Variants in ZCWPW2 observed in about 807,000 individuals in gnomAD.
ZCWPW2 encodes the protein zinc finger CW-type and PWWP domain containing 2.
Under a neutral mutation model 46.6 loss-of-function variants are expected in ZCWPW2, and 45 were observed. The observed-to-expected ratio is 0.96, with a 90% CI of 0.76 to 1.24. The LOEUF (loss-of-function observed/expected upper bound fraction) is 1.24. ZCWPW2 is among the 50% of genes most tolerant of loss of function. The probability of loss-of-function intolerance (pLI) is 0.00; values close to 1 mark genes in which losing one functional copy is unlikely to be tolerated. For missense variants in ZCWPW2, 429 were observed against 403.9 expected (o/e 1.06, Z -0.53); for synonymous variants, 152 against 137.1 (o/e 1.11, Z -0.76).
chr3:28,409,727 C>A (rs1696322634), intron 2 of ZCWPW2, among the ~76,000 whole-genome samples: 1 of 151,964 alleles, frequency 6.6e-6, no homozygotes, highest in African/African-American at 2.4e-5. Flanking sequence ...ATAAAAATAA[C>A]ATAAACTTGT....
At chr3:28,487,940 A>T (rs1224581571) in intron 5 of ZCWPW2, among the ~76,000 whole-genome samples, 1 of 152,076 alleles carries the variant, frequency 6.6e-6, no homozygotes, top group African/African-American at 2.4e-5. Context: ...AAAATCCCTC[A>T]ATAGGTTAGG....
chr3:28,464,144 T>G (rs1466584725), intron 4 of ZCWPW2, among the ~76,000 whole-genome samples: 1 of 152,004 alleles, frequency 6.6e-6, no homozygotes, highest in East Asian at 1.9e-4. Context: ...TTATTTTTTA[T>G]TTTTTTGAAT....
chr3:28,378,192 C>T (rs535920072), intron 1 of ZCWPW2, among the ~76,000 whole-genome samples: 63 of 151,688 alleles, frequency 4.2e-4, no homozygotes, highest in African/African-American at 1.4e-3. Context: ...GACATAGGAG[C>T]GTAAATTTCT....
At chr3:28,444,159 CATT>C (rs1282773524) in intron 4 of ZCWPW2, among the ~76,000 whole-genome samples, 2 of 152,260 alleles carry the variant, frequency 1.3e-5, no homozygotes, top group Admixed American at 6.5e-5. Flanking sequence ...CCTTAATATT[CATT>C]ATTATGCTTG....
chr3:28,384,716 A>G (rs1330469119), intron 1 of ZCWPW2, among the ~76,000 whole-genome samples: 1 of 150,782 alleles, frequency 6.6e-6, no homozygotes. Flanking sequence ...GGGTTCAAGC[A>G]ATTCTTCCGC....
At chr3:28,509,058 G>A (rs749261338) in intron 6 of ZCWPW2, among the ~76,000 whole-genome samples, 10 of 151,954 alleles carry the variant, frequency 6.6e-5, no homozygotes, top group African/African-American at 1.2e-4. Context: ...TGGTAACCAC[G>A]GAATCTATTT....
chr3:28,417,470 A>G (rs940392089), intron 3 of ZCWPW2, among the ~76,000 whole-genome samples: 10 of 152,156 alleles, frequency 6.6e-5, no homozygotes, highest in Non-Finnish European at 1.3e-4. Context: ...TTTTGAAACT[A>G]TTCCAATCAA....
At chr3:28,483,916 A>G (rs1699510963) in intron 5 of ZCWPW2, among the ~76,000 whole-genome samples, 1 of 151,314 alleles carries the variant, frequency 6.6e-6, no homozygotes, top group South Asian at 2.1e-4. Context: ...AGACAATCAT[A>G]TCATGTGCAG....
intron 3 of ZCWPW2, chr3:28,428,421 G>A (rs894584257): frequency 1.2e-4 from 18 of 152,050 alleles, no homozygotes; most frequent in African/African-American, 4.3e-4. Context: ...CAGCCTCTGG[G>A]GAGCAACTGA....
chr3:28,489,664 GCGCGCACACACA>G lies in ZCWPW2; in HGVS notation c.611-2461_611-2450del, dbSNP rs1252152960. 4.1e-4 allele frequency among the ~76,000 whole-genome samples: 24 copies of G among 58,052 alleles called. No individual in the cohort carries two copies. In the Admixed American group the frequency reaches 5.0e-3, roughly 12 times the overall value. The allele number at this position is 58,052 out of a possible 152,430, so 38.1% of individuals were successfully genotyped here. ...CTTTCTCTCTCTTTCACACACACAC[GCGCGCACACACA>G]CACACACACACACACACACACACAC... On this transcript the variant is annotated intron_variant, in intron 5 of 9. Coordinates refer to ENST00000383768, the MANE Select transcript of ZCWPW2 (RefSeq NM_001040432.4).
At chr3:28,479,150 C>T (rs1699339538) in intron 5 of ZCWPW2, among the ~76,000 whole-genome samples, 1 of 152,024 alleles carries the variant, frequency 6.6e-6, no homozygotes, top group Non-Finnish European at 1.5e-5. Flanking sequence ...TTTTTAAATG[C>T]AGGAGTTCTT....
chr3:28,466,325 C>T (rs970245959), intron 4 of ZCWPW2, among the ~76,000 whole-genome samples: 1 of 152,126 alleles, frequency 6.6e-6, no homozygotes, highest in Admixed American at 6.5e-5. Flanking sequence ...CATGTGCCCC[C>T]TGAACCCAAA....
At chr3:28,404,460 G>T (rs532770266) in intron 2 of ZCWPW2, among the ~76,000 whole-genome samples, 1 of 152,180 alleles carries the variant, frequency 6.6e-6, no homozygotes, top group South Asian at 2.1e-4. Context: ...GTGGAAAACA[G>T]TGTGGAGATT....
At chr3:28,447,433 T>C (rs1042799152) in intron 4 of ZCWPW2, among the ~76,000 whole-genome samples, 3 of 152,094 alleles carry the variant, frequency 2.0e-5, no homozygotes, top group East Asian at 3.9e-4. Flanking sequence ...GAAAAAGTAT[T>C]TGACAAGATG....
In ZCWPW2 at chr3:28,360,828, C is replaced by T. The variant is rs1252745076; in HGVS notation, c.-134+11625C>T. Among the ~76,000 whole-genome samples, 5 of 152,036 alleles carry T rather than the reference C, an allele frequency of 3.3e-5. No individual in the cohort carries two copies. The East Asian group carries it at 7.7e-4, about 23-fold the overall frequency. On this transcript the variant is annotated intron_variant, in intron 1 of 9. Coordinates refer to ENST00000383768, the MANE Select transcript of ZCWPW2 (RefSeq NM_001040432.4). ...GAAAAGAAAAAAAAGCAGGAAGACT[C>T]CTACATTCTGATTTCAAAAATTACT...
chr3:28,368,610 C>T (rs893049524), intron 1 of ZCWPW2, among the ~76,000 whole-genome samples: 49 of 152,132 alleles, frequency 3.2e-4, no homozygotes, highest in Non-Finnish European at 5.0e-4. Flanking sequence ...TTCATTTCAA[C>T]GTTGGTGAAT....
chr3:28,424,508 G>T, intron 3 of ZCWPW2, among the ~76,000 whole-genome samples: 1 of 152,216 alleles, frequency 6.6e-6, no homozygotes, highest in Non-Finnish European at 1.5e-5. Context: ...GAACACAGAC[G>T]TGCACAGAAG....
At chr3:28,460,653 G>T (rs1314667685) in intron 4 of ZCWPW2, among the ~76,000 whole-genome samples, 1 of 152,134 alleles carries the variant, frequency 6.6e-6, no homozygotes, top group Non-Finnish European at 1.5e-5. Context: ...TTACTGTCTG[G>T]ATTACTGGTT....
chr3:28,417,206 A>G (rs1696623101), intron 3 of ZCWPW2, among the ~76,000 whole-genome samples: 1 of 152,130 alleles, frequency 6.6e-6, no homozygotes, highest in Non-Finnish European at 1.5e-5. Context: ...CCACAGAAAT[A>G]CAAACTACCA....
Sources: gnomAD v4.1 joint callset for allele counts (sites outside exome capture counted in the v4.1 genomes callset) on GRCh38, gnomAD v4.1.1 for gene constraint, MANE v1.5 for transcripts, NCBI Gene and HGNC (gene_info 2026-07-23, HGNC 2026-07-21) for gene names.